Variants in NUGGC observed in about 807,000 individuals in gnomAD.
NUGGC encodes nuclear GTPase SLIP-GC.
NUGGC carries 58 observed loss-of-function variants against 92.6 expected under a neutral mutation model. The observed-to-expected ratio is 0.63, with a 90% CI of 0.51 to 0.78. The LOEUF is 0.78. Ranked by LOEUF, NUGGC falls within the 30% of genes least tolerant of loss-of-function variation. The pLI is 0.00. For missense variants in NUGGC, 925 were observed against 964.6 expected (o/e 0.96, Z 0.54); for synonymous variants, 376 against 366.4 (o/e 1.03, Z -0.30).
At chr8:28,046,181 C>T (rs572910251) in intron 11 of NUGGC, among the ~76,000 whole-genome samples, 3 of 152,258 alleles carry the variant, frequency 2.0e-5, no homozygotes, top group African/African-American at 7.2e-5. Flanking sequence ...CCACTCTACC[C>T]TTTTCCCCAT....
chr8:28,065,938 G>A (rs1387331936), intron 6 of NUGGC, among the ~76,000 whole-genome samples: 3 of 152,184 alleles, frequency 2.0e-5, no homozygotes, highest in African/African-American at 2.4e-5. Flanking sequence ...GGCTTGAAAA[G>A]CCCCTTCCTA....
Position 28,033,559 on chromosome 8 carries a change from CA to C in NUGGC, c.1749del (p.Val584PhefsTer16). The C allele has an allele frequency of 1.9e-5, 30 of 1,613,336 alleles. No homozygotes were observed. Among genetic ancestry groups the C allele is most frequent in the Non-Finnish European group, 2.5e-5 (29 of 1,179,724 alleles). On this transcript the variant is annotated frameshift_variant, in exon 14 of 19. Coordinates refer to ENST00000413272, the MANE Select transcript of NUGGC (RefSeq NM_001010906.2). LOFTEE classifies it high-confidence loss of function. ...LTQPVYDQID[P>X]VFGSIFRTGK... is the part of the protein sequence containing the mutation. ...CTTTACCTAAAAATGCTTCCAAAAA[CA>C]GGGTCGATCTGGTCATAGACGGGCT... is the stretch of plus-strand genomic sequence containing the variant.
At chr8:28,079,694 G>T (rs1249376219) in intron 1 of NUGGC, among the ~76,000 whole-genome samples, 1 of 152,178 alleles carries the variant, frequency 6.6e-6, no homozygotes, top group Non-Finnish European at 1.5e-5. Context: ...ATCACATTCA[G>T]CAGCCTCTAA....
intron 14 of NUGGC, among the ~76,000 whole-genome samples, chr8:28,032,289 A>G (rs1009121789): frequency 1.3e-5 from 2 of 152,216 alleles, no homozygotes; most frequent in Non-Finnish European, 2.9e-5. Context: ...GCTCTGAGTA[A>G]GACACAAGCA....
chr8:28,059,714 A>T (rs1810244027), intron 8 of NUGGC, among the ~76,000 whole-genome samples: 2 of 152,226 alleles, frequency 1.3e-5, no homozygotes, highest in African/African-American at 4.8e-5. Context: ...GAGTACAAAA[A>T]CCTGAAACAT....
chr8:28,045,139 T>C (rs1248195130), intron 12 of NUGGC, among the ~76,000 whole-genome samples: 1 of 152,196 alleles, frequency 6.6e-6, no homozygotes, highest in African/African-American at 2.4e-5. Flanking sequence ...CAGAGACAGA[T>C]GAAATATTTT....
At chr8:28,038,600 G>T (rs1809615283) in intron 13 of NUGGC, among the ~76,000 whole-genome samples, 1 of 152,302 alleles carries the variant, frequency 6.6e-6, no homozygotes, top group East Asian at 1.9e-4. Flanking sequence ...GAAGCCTCTT[G>T]GCAACCATGC....
chr8:28,057,742 G>A (rs907278245), intron 9 of NUGGC, among the ~76,000 whole-genome samples: 3 of 152,104 alleles, frequency 2.0e-5, no homozygotes, highest in Admixed American at 6.6e-5. Context: ...TTATGCTATC[G>A]GTAAGACTGC....
chr8:28,050,047 A>G (rs1809950807), intron 10 of NUGGC, among the ~76,000 whole-genome samples: 1 of 152,114 alleles, frequency 6.6e-6, no homozygotes, highest in Admixed American at 6.5e-5. Context: ...TGATCACGCC[A>G]TTGAACTCCA....
chr8:28,050,873 A>G (rs17058537), intron 10 of NUGGC, among the ~76,000 whole-genome samples: 5,354 of 152,158 alleles, frequency 0.035, 313 homozygotes, highest in African/African-American at 0.12. Context: ...GACATAAATC[A>G]TGACTCATTT....
At chr8:28,048,985 T>G (rs2130156609) in intron 10 of NUGGC, among the ~76,000 whole-genome samples, 1 of 152,008 alleles carries the variant, frequency 6.6e-6, no homozygotes, top group Non-Finnish European at 1.5e-5. Context: ...TTACATATTC[T>G]TTCATTCTTC....
intron 10 of NUGGC, among the ~76,000 whole-genome samples, chr8:28,048,722 G>T (rs1294447587): frequency 6.6e-6 from 1 of 151,922 alleles, no homozygotes; most frequent in African/African-American, 2.4e-5. Context: ...AATTAGCCAG[G>T]CATGGTGGTG....
intron 13 of NUGGC, 57 bp from the exon 14 acceptor site, chr8:28,033,754 T>G: frequency 6.8e-7 from 1 of 1,460,828 alleles, no homozygotes; most frequent in Non-Finnish European, 9.6e-7. Context: ...GTCACTGGAT[T>G]AGAATTGCAT....
intron 10 of NUGGC, among the ~76,000 whole-genome samples, chr8:28,055,023 C>T (rs577390250): frequency 1.3e-4 from 20 of 152,162 alleles, no homozygotes; most frequent in African/African-American, 4.8e-4. Context: ...CCTGTCTCTA[C>T]TAAAAATACA....
In NUGGC at chr8:28,058,281, A is replaced by G. The variant is rs1386623245; in HGVS notation, c.1098-5T>C. 3 of 523,638 alleles carry G rather than the reference A, an allele frequency of 5.7e-6. No individual in the cohort carries two copies. Among genetic ancestry groups the G allele is most frequent in the Non-Finnish European group, 8.9e-6 (3 of 336,718 alleles). The allele number at this position is 523,638 out of a possible 1,614,324, so 32.4% of individuals were successfully genotyped here. A position where few individuals can be genotyped will look rare whatever the true frequency, so the allele number is the denominator to read the frequency against. ...ACATTTCCTGCCTTTCTTTCCCTGA[A>G]ATGAAATTAGAAAAATGTAACAATT... On this transcript the variant is annotated splice_polypyrimidine_tract_variant and splice_region_variant and intron_variant, in intron 8 of 18. Coordinates refer to ENST00000413272, the MANE Select transcript of NUGGC (RefSeq NM_001010906.2).
chr8:28,037,812 C>T (rs1005579097), intron 13 of NUGGC, among the ~76,000 whole-genome samples: 7 of 152,278 alleles, frequency 4.6e-5, no homozygotes, highest in East Asian at 1.9e-4. Flanking sequence ...GATTCTCAAC[C>T]GGGAGTGATT....
chr8:28,055,166 T>A (rs1411521622), intron 10 of NUGGC, among the ~76,000 whole-genome samples: 1 of 152,150 alleles, frequency 6.6e-6, no homozygotes, highest in African/African-American at 2.4e-5. Flanking sequence ...GGCAGGATAA[T>A]CACTTGAACC....
intron 10 of NUGGC, among the ~76,000 whole-genome samples, chr8:28,049,567 G>C (rs971747315): frequency 1.3e-5 from 2 of 152,174 alleles, no homozygotes; most frequent in African/African-American, 4.8e-5. Flanking sequence ...TGTCAGTGAA[G>C]TGACTCTAGT....
intron 4 of NUGGC, among the ~76,000 whole-genome samples, chr8:28,069,105 T>C (rs978244594): frequency 6.6e-6 from 1 of 152,156 alleles, no homozygotes. Context: ...ACACAGAGTC[T>C]TACTGAGCAG....
Sources: gnomAD v4.1 joint callset for allele counts (sites outside exome capture counted in the v4.1 genomes callset) on GRCh38, gnomAD v4.1.1 for gene constraint, MANE v1.5 for transcripts, NCBI Gene and HGNC (gene_info 2026-07-23, HGNC 2026-07-21) for gene names.